The following PAXX variants were observed in gnomAD, a reference collection of about 807,000 sequenced individuals.
PAXX encodes protein PAXX.
Under a neutral mutation model 25.6 loss-of-function variants are expected in PAXX, and 27 were observed. The ratio of observed to expected loss-of-function variants is 1.06; its 90% CI spans 0.78 to 1.46. The LOEUF (loss-of-function observed/expected upper bound fraction) is 1.46, where lower values mean the gene tolerates loss of function less well. Among genes scored for constraint, PAXX ranks in the 40% most tolerant of loss-of-function variants. The probability of loss-of-function intolerance (pLI) is 0.00; values close to 1 mark genes in which losing one functional copy is unlikely to be tolerated. For synonymous variants in PAXX, 126 were observed against 125.7 expected (o/e 1.00, Z -0.02); for missense variants, 295 against 280.2 (o/e 1.05, Z -0.38).
In PAXX at chr9:136,993,779, G is replaced by T. The variant is rs1214028177; in HGVS notation, c.589G>T (p.Gly197Cys). 3 of 1,613,838 alleles carry T rather than the reference G, an allele frequency of 1.9e-6. No individual in the cohort carries two copies. The African/African-American group carries it at 4.0e-5, about 22-fold the overall frequency. Residue 197 changes from glycine (G) to cysteine (C), a missense_variant, in exon 7 of 7, where the codon GGT becomes TGT. Transcript: ENST00000371620. ...CTTCCCTCCCAGTAAGAAACCAGCT[G>T]GTGGCGTGGACTTCGATGAGACCTG... is the stretch of plus-strand genomic sequence containing the variant. ...NPGFKSKKPAGGVDFDET is the reference protein window; with the variant it reads ...NPGFKSKKPACGVDFDET
rs1334590392 is a variant in PAXX, at chr9:136,992,485, C to T, written c.42C>T (p.Gly14=). The T allele has an allele frequency of 2.2e-6, 3 of 1,383,460 alleles. No individual in the cohort carries two copies. The highest frequency in any genetic ancestry group is 2.8e-6 in the Non-Finnish European group (3 of 1,065,550). The allele number at this position is 1,383,460 out of a possible 1,614,324, so 85.7% of individuals were successfully genotyped here. A position where few individuals can be genotyped will look rare whatever the true frequency, so the allele number is the denominator to read the frequency against. ...LSPPLCTLPP[G]PEPPRFVCYC... The stretch of plus-strand genomic sequence containing the variant: ...CGCCGCTCTGCACGCTGCCGCCGGG[C>T]CCCGAGCCGCCCCGCTTCGTGTGCT... The change falls in exon 1 of 7, where the codon GGC becomes GGT. Residue 14 remains glycine, a synonymous_variant. Coordinates refer to ENST00000371620, the MANE Select transcript of PAXX (RefSeq NM_183241.3).
rs1386468517 is a variant in PAXX at position 136,993,417 on chromosome 9, G to T, written c.490+6G>T. 15 of 1,604,622 alleles carry T rather than the reference G, an allele frequency of 9.3e-6. No homozygotes were observed. Among genetic ancestry groups the T allele is most frequent in the African/African-American group, 1.3e-5 (1 of 74,764 alleles). The stretch of plus-strand genomic sequence containing the variant: ...GCCTCAGCTCTTCTTACCAGGTAAG[G>T]CATGTCCGCCTGTGACTCAAGTAGG... On this transcript the variant is annotated splice_donor_region_variant and intron_variant, in intron 5 of 6. Transcript: ENST00000371620.
In PAXX at chr9:136,993,956, T is replaced by G; in HGVS notation, c.*151T>G. ...CTCCTCAAATTCCTTCCCTGTCAAA[T>G]AAACAGCTCCCTTGGTTGGAGGCTC... On this transcript the variant is annotated 3_prime_UTR_variant, in exon 7 of 7. Coordinates refer to ENST00000371620, the MANE Select transcript of PAXX (RefSeq NM_183241.3). 1.3e-6 allele frequency: 1 copy of G among 747,662 alleles called. No homozygotes were observed. Among genetic ancestry groups the G allele is most frequent in the Non-Finnish European group, 2.2e-6 (1 of 450,136 alleles). 46.3% of individuals were successfully genotyped at this position (747,662 alleles called of 1,614,324 possible).
At position 136,993,255 on chromosome 9, in the gene PAXX, G is replaced by T. The variant is rs1379906548; in HGVS notation, c.421+12G>T. Reference sequence around the variant, plus strand: ...GCGGCGACTGGCAGGTAGGATTGGGGGTGGGCACCTCATACCTTCACTGGG... The same window carrying T: ...GCGGCGACTGGCAGGTAGGATTGGGTGTGGGCACCTCATACCTTCACTGGG... On this transcript the variant is annotated intron_variant, in intron 4 of 6. Coordinates refer to ENST00000371620, the MANE Select transcript of PAXX (RefSeq NM_183241.3). The T allele has an allele frequency of 1.9e-6, 3 of 1,548,638 alleles. No individual in the cohort carries two copies. The East Asian group carries it at 6.8e-5, about 35-fold the overall frequency.
At position 136,992,450 on chromosome 9, in the gene PAXX, C is replaced by T. The variant is rs891013038; in HGVS notation, c.7C>T (p.Pro3Ser). The change falls in exon 1 of 7, where the codon CCG (proline) becomes TCG (serine). Residue 3 changes from proline to serine, a missense_variant. Coordinates refer to ENST00000371620, the MANE Select transcript of PAXX (RefSeq NM_183241.3). MD[P>S]LSPPLCTLPP... ...TTCCCGCTCGCCCGGCGCCATGGAT[C>T]CGCTGTCGCCGCCGCTCTGCACGCT... 6 of 1,286,500 alleles carry T rather than the reference C, an allele frequency of 4.7e-6. No individual in the cohort carries two copies. The highest frequency in any genetic ancestry group is 6.1e-6 in the Non-Finnish European group (6 of 987,816). The allele number at this position is 1,286,500 out of a possible 1,614,324, so 79.7% of individuals were successfully genotyped here.
In PAXX at chr9:136,993,255, G is replaced by A; in HGVS notation, c.421+12G>A. ...GCGGCGACTGGCAGGTAGGATTGGGGGTGGGCACCTCATACCTTCACTGGG... is the reference window on the plus strand; with the variant it reads ...GCGGCGACTGGCAGGTAGGATTGGGAGTGGGCACCTCATACCTTCACTGGG... On this transcript the variant is annotated intron_variant, in intron 4 of 6. Transcript: ENST00000371620. 4 of 1,548,638 alleles carry A rather than the reference G, an allele frequency of 2.6e-6. No individual in the cohort carries two copies. Among genetic ancestry groups the A allele is most frequent in the Non-Finnish European group, 3.5e-6 (4 of 1,149,800 alleles).
chr9:136,993,880 G>A lies in PAXX; in HGVS notation c.*75G>A. 6.8e-7 allele frequency: 1 copy of A among 1,466,154 alleles called. No homozygotes were observed. The highest frequency in any genetic ancestry group is 1.2e-5 in the South Asian group (1 of 85,400). 90.8% of individuals were successfully genotyped at this position (1,466,154 alleles called of 1,614,324 possible). A position where few individuals can be genotyped will look rare whatever the true frequency, so the allele number is the denominator to read the frequency against. On this transcript the variant is annotated 3_prime_UTR_variant, in exon 7 of 7. Transcript: ENST00000371620. ...GGCAGTCTTTGAGGCCCCCATCAGA[G>A]ACCCCCCGCCACCACCTCCACCTGC...
intron 2 of PAXX, 94 bp from the exon 3 acceptor site, chr9:136,992,831 C>G: frequency 6.3e-7 from 1 of 1,597,986 alleles, no homozygotes; most frequent in Non-Finnish European, 8.6e-7. Context: ...TGTAGTCCTC[C>G]CATTGGCTAG....
At position 136,992,430 on chromosome 9, in the gene PAXX, G is replaced by T. The variant is rs939828016; in HGVS notation, c.-14G>T. The T allele has an allele frequency of 5.2e-6, 6 of 1,159,238 alleles. No homozygotes were observed. The highest frequency in any genetic ancestry group is 3.3e-5 in the African/African-American group (2 of 61,140). 71.8% of individuals were successfully genotyped at this position (1,159,238 alleles called of 1,614,324 possible). A position where few individuals can be genotyped will look rare whatever the true frequency, so the allele number is the denominator to read the frequency against. ...CCAAGCCCCGCCCCGCCGGGTTCCCGCTCGCCCGGCGCCATGGATCCGCTG... is the reference window on the plus strand; with the variant it reads ...CCAAGCCCCGCCCCGCCGGGTTCCCTCTCGCCCGGCGCCATGGATCCGCTG... On this transcript the variant is annotated 5_prime_UTR_variant, in exon 1 of 7. Transcript: ENST00000371620.
chr9:136,993,730 C>T, intron 6 of PAXX, 36 bp from the exon 7 acceptor site: 1 of 1,613,768 alleles, frequency 6.2e-7, no homozygotes, highest in Non-Finnish European at 8.5e-7. Context: ...TTTCTCCACA[C>T]CATAGTGCCA....
At chr9:136,993,509 A>G (rs767644652) in intron 5 of PAXX, 71 bp from the exon 6 acceptor site, 50 of 1,600,996 alleles carry the variant, frequency 3.1e-5, no homozygotes, top group South Asian at 1.8e-4. Context: ...GAGAATGCCT[A>G]TCTATTCGGA....
chr9:136,993,500 A>G, intron 5 of PAXX, 80 bp from the exon 6 acceptor site: 1 of 1,600,464 alleles, frequency 6.2e-7, no homozygotes, highest in East Asian at 2.2e-5. Flanking sequence ...CGCTCCAGAG[A>G]GAATGCCTAT....
At position 136,992,680 on chromosome 9, in the gene PAXX, C is replaced by T. The variant is rs1343457304; in HGVS notation, c.160C>T (p.Pro54Ser). 6.5e-7 allele frequency: 1 copy of T among 1,540,708 alleles called. No individual in the cohort carries two copies. The highest frequency in any genetic ancestry group is 8.7e-7 in the Non-Finnish European group (1 of 1,146,912). ...AAELWSTCFT[P>S]DSLAALKARF... ...GGAGCTTTGGAGCACCTGCTTCACG[C>T]CGGACAGCCTGGCGGCCCTCGTGGG... Residue 54 changes from proline (P) to serine (S), a missense_variant, in exon 2 of 7, where the codon CCG (proline) becomes TCG (serine). Coordinates refer to ENST00000371620, the MANE Select transcript of PAXX (RefSeq NM_183241.3).
rs762470915 is a variant in PAXX at position 136,993,650 on chromosome 9, C to T, written c.561C>T (p.Asn187=). Residue 187 remains asparagine (N), a synonymous_variant, in exon 6 of 7, where the codon AAC becomes AAT. Coordinates refer to ENST00000371620, the MANE Select transcript of PAXX (RefSeq NM_183241.3). ...GGTGTCCAGGAGAGTCGCTCATCAA[C>T]CCCGGGTTCAAGAGGTACCCTCCCA... ...RRRCPGESLI[N]PGFKSKKPAG... 1.9e-6 allele frequency: 3 copies of T among 1,613,816 alleles called. No homozygotes were observed. The highest frequency in any genetic ancestry group is 1.1e-5 in the South Asian group (1 of 91,092).
Position 136,993,507 on chromosome 9 carries a change from C to A in PAXX, c.491-73C>A, listed in dbSNP as rs1435774819. On this transcript the variant is annotated intron_variant, in intron 5 of 6. Coordinates refer to ENST00000371620, the MANE Select transcript of PAXX (RefSeq NM_183241.3). ...AAGACTCACGCTCCAGAGAGAATGC[C>A]TATCTATTCGGAGAAGGTTGTGGTT... 3 of 1,600,762 alleles carry A rather than the reference C, an allele frequency of 1.9e-6. No homozygotes were observed. In the African/African-American group the frequency reaches 4.0e-5, roughly 21 times the overall value.
chr9:136,992,522 G>A lies in PAXX; in HGVS notation c.79G>A (p.Glu27Lys). 3 of 1,449,624 alleles carry A rather than the reference G, an allele frequency of 2.1e-6. No homozygotes were observed. Among genetic ancestry groups the A allele is most frequent in the Non-Finnish European group, 2.7e-6 (3 of 1,095,806 alleles). The allele number at this position is 1,449,624 out of a possible 1,614,324, so 89.8% of individuals were successfully genotyped here. ...CCGCTTCGTGTGCTACTGCGAAGGG[G>A]AGGAAAGCGGGGAGGGGGACCGCGG... Reference protein sequence around the residue: ...PPRFVCYCEGEESGEGDRGGF... With the variant: ...PPRFVCYCEGKESGEGDRGGF... The change falls in exon 1 of 7, where the codon GAG (glutamate) becomes AAG (lysine). Residue 27 changes from glutamate to lysine, a missense_variant. Transcript: ENST00000371620.
rs1830604784 is a variant in PAXX, at chr9:136,992,702, TG to T, written c.180+5del. 1.3e-6 allele frequency: 2 copies of T among 1,540,698 alleles called. No individual in the cohort carries two copies. The highest frequency in any genetic ancestry group is 1.7e-6 in the Non-Finnish European group (2 of 1,147,010). On this transcript the variant is annotated splice_donor_region_variant and intron_variant, in intron 2 of 6. Coordinates refer to ENST00000371620, the MANE Select transcript of PAXX (RefSeq NM_183241.3). ...ACGCCGGACAGCCTGGCGGCCCTCG[TG>T]GGTAACTGGGCGGGTCTGGGAGCCG...
In PAXX at chr9:136,993,212, A is replaced by C. The variant is rs781488459; in HGVS notation, c.390A>C (p.Lys130Asn). Residue 130 changes from lysine to asparagine, a missense_variant, in exon 4 of 7, where the codon AAA becomes AAC. By Grantham distance (94) the Lys-to-Asn change is moderately conservative. Transcript: ENST00000371620. ...GGGCGCTGACACTGGGCCTGGCAAA[A>C]CGCGTGTGGAGCCTGGAGCGGCGAC... ...RLRALTLGLA[K>N]RVWSLERRLA... is the part of the protein sequence containing the mutation. The C allele has an allele frequency of 6.5e-7, 1 of 1,538,934 alleles. No individual in the cohort carries two copies. The highest frequency in any genetic ancestry group is 8.7e-7 in the Non-Finnish European group (1 of 1,147,760).
At position 136,993,799 on chromosome 9, in the gene PAXX, G is replaced by C. The variant is rs1830649110; in HGVS notation, c.609G>C (p.Glu203Asp). 3.1e-6 allele frequency: 5 copies of C among 1,613,848 alleles called. No homozygotes were observed. Among genetic ancestry groups the C allele is most frequent in the Non-Finnish European group, 4.2e-6 (5 of 1,180,008 alleles). The change falls in exon 7 of 7, where the codon GAG (glutamate) becomes GAC (aspartate). Residue 203 changes from glutamate to aspartate, a missense_variant. Coordinates refer to ENST00000371620, the MANE Select transcript of PAXX (RefSeq NM_183241.3). ...KKPAGGVDFD[E>D]T Reference sequence around the variant, plus strand: ...CAGCTGGTGGCGTGGACTTCGATGAGACCTGAAGGTGCAGCACAAGCGTGG... The same window carrying C: ...CAGCTGGTGGCGTGGACTTCGATGACACCTGAAGGTGCAGCACAAGCGTGG...
Sources: gnomAD v4.1 joint callset for allele counts on GRCh38, gnomAD v4.1.1 for gene constraint, MANE v1.5 for transcripts, NCBI Gene and HGNC (gene_info 2026-07-23, HGNC 2026-07-21) for gene names.